The following DENND1A variants were observed in gnomAD, a reference collection of about 807,000 sequenced individuals.
DENND1A encodes the protein DENN domain containing 1A.
In DENND1A, 51 loss-of-function variants were observed where a neutral mutation model predicts 113.7. That is an observed-to-expected ratio of 0.45 (90% CI 0.36 to 0.57). DENND1A has a LOEUF of 0.57. Ranked by LOEUF, DENND1A falls within the 20% of genes least tolerant of loss-of-function variation. The pLI is 0.00. For synonymous variants in DENND1A, 565 were observed against 570.8 expected (o/e 0.99, Z 0.14); for missense variants, 1,258 against 1,395.9 (o/e 0.90, Z 1.57).
intron 5 of DENND1A, among the ~76,000 whole-genome samples, chr9:123,738,184 C>T (rs1035762541): frequency 6.6e-6 from 1 of 152,116 alleles, no homozygotes; most frequent in African/African-American, 2.4e-5. Flanking sequence ...TATGTTTGTT[C>T]GTTGCATACA....
At chr9:123,880,262 CTTGG>C (rs2133578897) in intron 1 of DENND1A, among the ~76,000 whole-genome samples, 1 of 152,318 alleles carries the variant, frequency 6.6e-6, no homozygotes, top group African/African-American at 2.4e-5. Context: ...ATCCACCCGC[CTTGG>C]CCTCCCAAAG....
chr9:123,805,997 A>G (rs1231622235), intron 2 of DENND1A, among the ~76,000 whole-genome samples: 1 of 152,210 alleles, frequency 6.6e-6, no homozygotes, highest in African/African-American at 2.4e-5. Flanking sequence ...TCTATCACCC[A>G]GGCTGGAGTG....
intron 13 of DENND1A, among the ~76,000 whole-genome samples, chr9:123,495,171 T>TCTCTCTCTCTCTCTCTCTCTCTCTCTCTC (rs1564598042): frequency 3.9e-5 from 3 of 76,292 alleles, no homozygotes; most frequent in Non-Finnish European, 5.2e-5. Flanking sequence ...CTCTCTCTCT[T>TCTCTCTCTCTCTCTCTCTCTCTCTCTCTC]ATAATGTCTG....
Position 123,769,558 on chromosome 9 carries a change from A to T in DENND1A, c.138T>A (p.Val46=). The T allele has an allele frequency of 6.2e-7, 1 of 1,609,642 alleles. No individual in the cohort carries two copies. Among genetic ancestry groups the T allele is most frequent in the Non-Finnish European group, 8.5e-7 (1 of 1,178,416 alleles). The change falls in exon 4 of 24, where the codon GTT becomes GTA. Residue 46 remains valine (V), a synonymous_variant. Coordinates refer to ENST00000394215, the MANE Select transcript of DENND1A (RefSeq NM_001352964.2). ...AACAAAACTTGGTCAAAGTCTGTAGAACTTCCTGTGGAGAGAAAGAGAGAT... is the reference window on the plus strand; with the variant it reads ...AACAAAACTTGGTCAAAGTCTGTAGTACTTCCTGTGGAGAGAAAGAGAGAT... ...QFPEDYSDQE[V]LQTLTKFCFP...
chr9:123,477,321 C>A (rs773197870), intron 13 of DENND1A, among the ~76,000 whole-genome samples: 2 of 151,956 alleles, frequency 1.3e-5, no homozygotes, highest in African/African-American at 4.8e-5. Flanking sequence ...TGGGCCAAGG[C>A]GGGAGAATTG....
intron 21 of DENND1A, among the ~76,000 whole-genome samples, chr9:123,392,592 A>C (rs1029906079): frequency 6.6e-6 from 1 of 151,974 alleles, no homozygotes; most frequent in African/African-American, 2.4e-5. Flanking sequence ...CTAACCATCC[A>C]CTACCCTCCC....
intron 13 of DENND1A, among the ~76,000 whole-genome samples, chr9:123,503,262 T>C (rs2052644083): frequency 6.6e-6 from 1 of 152,182 alleles, no homozygotes; most frequent in Non-Finnish European, 1.5e-5. Flanking sequence ...TCTTTATGCC[T>C]CTGTCTCCTT....
At chr9:123,484,695 G>A (rs1051303628) in intron 13 of DENND1A, among the ~76,000 whole-genome samples, 1 of 152,178 alleles carries the variant, frequency 6.6e-6, no homozygotes, top group African/African-American at 2.4e-5. Flanking sequence ...TCTCCCCTGA[G>A]CCTCTGCTCC....
intron 8 of DENND1A, among the ~76,000 whole-genome samples, chr9:123,652,932 C>T (rs890971815): frequency 3.9e-5 from 6 of 152,148 alleles, no homozygotes; most frequent in Admixed American, 6.5e-5. Context: ...ATTTATACAA[C>T]GCTTTCTATA....
intron 9 of DENND1A, among the ~76,000 whole-genome samples, chr9:123,640,577 A>C (rs1167783343): frequency 1.3e-5 from 2 of 152,198 alleles, no homozygotes; most frequent in Non-Finnish European, 2.9e-5. Flanking sequence ...TAATATTCAG[A>C]AGTCTCCTAG....
intron 2 of DENND1A, among the ~76,000 whole-genome samples, chr9:123,839,595 C>T (rs898851899): frequency 1.3e-5 from 2 of 152,290 alleles, no homozygotes; most frequent in East Asian, 1.9e-4. Context: ...TGACACAACA[C>T]GACACTTTAT....
intron 19 of DENND1A, among the ~76,000 whole-genome samples, chr9:123,432,789 T>A (rs531056251): frequency 2.4e-4 from 36 of 152,344 alleles, no homozygotes; most frequent in African/African-American, 6.5e-4. Context: ...CATAGCCCCT[T>A]CTTTCCACAT....
intron 19 of DENND1A, among the ~76,000 whole-genome samples, chr9:123,412,800 C>T (rs1554805154): frequency 1.3e-5 from 2 of 152,158 alleles, no homozygotes; most frequent in Non-Finnish European, 2.9e-5. Context: ...GGGAGGCTTC[C>T]GGTTGTTTCC....
At chr9:123,891,374 TAGAAGTTTTTTAAATCAGATTCCC>T (rs1166873605) in intron 1 of DENND1A, among the ~76,000 whole-genome samples, 2 of 152,210 alleles carry the variant, frequency 1.3e-5, no homozygotes, top group Non-Finnish European at 2.9e-5. Context: ...TCAAATCACC[TAGAAGTTTTTTAAATCAGATTCCC>T]AGGTTCTACC....
intron 5 of DENND1A, among the ~76,000 whole-genome samples, chr9:123,681,452 A>G (rs897358550): frequency 2.0e-5 from 3 of 152,068 alleles, no homozygotes; most frequent in African/African-American, 7.2e-5. Flanking sequence ...TACTGTAAAA[A>G]CAGGGTGAGG....
intron 10 of DENND1A, among the ~76,000 whole-genome samples, chr9:123,628,298 G>A (rs1235310315): frequency 6.6e-6 from 1 of 151,692 alleles, no homozygotes; most frequent in African/African-American, 2.4e-5. Context: ...GAAGATCCCA[G>A]AGACAAGCAG....
chr9:123,748,285 G>A (rs563956681), intron 5 of DENND1A, among the ~76,000 whole-genome samples: 1 of 152,272 alleles, frequency 6.6e-6, no homozygotes, highest in African/African-American at 2.4e-5. Context: ...TATCAGCATG[G>A]TGGGATGAGA....
At chr9:123,575,139 T>A (rs2058565452) in intron 12 of DENND1A, among the ~76,000 whole-genome samples, 1 of 152,218 alleles carries the variant, frequency 6.6e-6, no homozygotes, top group Non-Finnish European at 1.5e-5. Flanking sequence ...AATCTTTTCA[T>A]GGACTGCTGG....
intron 5 of DENND1A, among the ~76,000 whole-genome samples, chr9:123,726,562 G>C (rs1411878508): frequency 1.3e-5 from 2 of 152,144 alleles, no homozygotes; most frequent in African/African-American, 4.8e-5. Context: ...TGAATGAAGA[G>C]AATAGAGGGA....
Sources: allele counts gnomAD v4.1 joint callset (sites outside exome capture counted in the v4.1 genomes callset), GRCh38; gene constraint gnomAD v4.1.1; transcripts MANE v1.5; gene names NCBI Gene and HGNC (gene_info 2026-07-23, HGNC 2026-07-21).